The following SPIB variants were observed in gnomAD, a reference collection of about 807,000 sequenced individuals.
The protein encoded by SPIB is Spi-B transcription factor, also known as transcription factor Spi-B.
SPIB carries 7 observed loss-of-function variants against 31.9 expected under a neutral mutation model. The observed-to-expected ratio is 0.22, with a 90% CI of 0.12 to 0.41. The LOEUF is 0.41. Among genes scored for constraint, SPIB ranks in the 10% least tolerant of loss-of-function variants. SPIB has a pLI of 1.00. For missense variants in SPIB, 327 were observed against 360.2 expected (o/e 0.91, Z 0.75); for synonymous variants, 176 against 158.9 (o/e 1.11, Z -0.81).
At chr19:50,426,081 C>A (rs147205541) in intron 5 of SPIB, among the ~76,000 whole-genome samples, 1 of 151,976 alleles carries the variant, frequency 6.6e-6, no homozygotes, top group Non-Finnish European at 1.5e-5. Context: ...TGGTGGTGCA[C>A]GCCTGTAATC....
rs534335466 is a variant in SPIB, at chr19:50,421,937, A to G, written c.52-536A>G. Among the ~76,000 whole-genome samples, 14 of 152,120 alleles carry G rather than the reference A, an allele frequency of 9.2e-5. No individual in the cohort carries two copies. In the East Asian group the frequency reaches 2.5e-3, roughly 27 times the overall value. On this transcript the variant is annotated intron_variant, in intron 2 of 5. Coordinates refer to ENST00000595883, the MANE Select transcript of SPIB (RefSeq NM_003121.5). Reference sequence around the variant, plus strand: ...GCTAATTTTTGTATTTTTAGTAGAGACGGGATTTCACCATGTTGGCTAGAC... The same window carrying G: ...GCTAATTTTTGTATTTTTAGTAGAGGCGGGATTTCACCATGTTGGCTAGAC...
At chr19:50,423,203 T>TAAA in intron 4 of SPIB, 166 bp downstream of exon 4, 3 of 226,232 alleles carry the variant, frequency 1.3e-5, no homozygotes, top group Non-Finnish European at 1.6e-5. Flanking sequence ...AGACCCTGTC[T>TAAA]CAAAAAAAAA....
intron 5 of SPIB, among the ~76,000 whole-genome samples, chr19:50,424,164 A>G (rs2039537403): frequency 6.6e-6 from 1 of 152,058 alleles, no homozygotes; most frequent in Non-Finnish European, 1.5e-5. Context: ...AACATCCTTT[A>G]TGCTCAACCC....
intron 5 of SPIB, among the ~76,000 whole-genome samples, chr19:50,425,466 G>A (rs1426166684): frequency 6.6e-6 from 1 of 151,212 alleles, no homozygotes; most frequent in Non-Finnish European, 1.5e-5. Context: ...TATTTGAGAC[G>A]GTCTCCATCT....
rs780846613 is a variant in SPIB at position 50,419,953 on chromosome 19, G to A, written c.31G>A (p.Gly11Arg). 3.5e-5 allele frequency: 53 copies of A among 1,520,702 alleles called. No homozygotes were observed. Among genetic ancestry groups the A allele is most frequent in the South Asian group, 2.2e-4 (17 of 77,136 alleles). 94.2% of individuals were successfully genotyped at this position (1,520,702 alleles called of 1,614,324 possible). The change falls in exon 2 of 6, where the codon GGG becomes AGG. Residue 11 changes from glycine (G) to arginine (R), a missense_variant. Around this residue, in one of 4 missense-constraint regions of SPIB, gnomAD observed 238 missense variants for 228.8 expected, o/e 1.04. Coordinates refer to ENST00000595883, the MANE Select transcript of SPIB (RefSeq NM_003121.5). MLALEAAQLDGPHFSCLYPDG... is the reference protein window; with the variant it reads MLALEAAQLDRPHFSCLYPDG... ...GTGTCTCTCCCCCTCCAGGCTCGAC[G>A]GGCCACACTTCAGCTGTCTGGTGAG...
At chr19:50,422,436 TG>T in intron 2 of SPIB, 36 bp from the exon 3 acceptor site, 2 of 1,604,974 alleles carry the variant, frequency 1.2e-6, no homozygotes, top group Non-Finnish European at 1.7e-6. Context: ...CCCCAAGGCC[TG>T]GGATGACCCC....
rs1028042286 is a variant in SPIB at position 50,429,713 on chromosome 19, C to T, written c.*1377C>T. The T allele has an allele frequency of 3.4e-5, 5 of 147,488 alleles. No individual in the cohort carries two copies. The highest frequency in any genetic ancestry group is 6.0e-5 in the Non-Finnish European group (4 of 66,768). The allele number at this position is 147,488 out of a possible 1,614,324, so 9.1% of individuals were successfully genotyped here. A position where few individuals can be genotyped will look rare whatever the true frequency, so the allele number is the denominator to read the frequency against. On this transcript the variant is annotated 3_prime_UTR_variant, in exon 6 of 6. Transcript: ENST00000595883. ...ACAGAGTGAGACACCGTCTTAAAAA[C>T]AAAAACAAGGCCGGGCACGGTGGCT...
chr19:50,426,185 G>A (rs1027095537), intron 5 of SPIB, among the ~76,000 whole-genome samples: 7 of 152,002 alleles, frequency 4.6e-5, no homozygotes, highest in Non-Finnish European at 1.0e-4. Context: ...CTCCAGCCTG[G>A]GCAACAGAGC....
At chr19:50,426,321 G>A (rs1169353814) in intron 5 of SPIB, among the ~76,000 whole-genome samples, 1 of 152,106 alleles carries the variant, frequency 6.6e-6, no homozygotes, top group Non-Finnish European at 1.5e-5. Context: ...AGTCCATGCA[G>A]GGCCGTCAAG....
In SPIB at chr19:50,419,940, C is replaced by A. The variant is rs536784207; in HGVS notation, c.24-6C>A. 6.5e-7 allele frequency: 1 copy of A among 1,536,840 alleles called. No individual in the cohort carries two copies. On this transcript the variant is annotated splice_polypyrimidine_tract_variant and splice_region_variant and intron_variant, in intron 1 of 5. Transcript: ENST00000595883. ...TCAGCATGCCCCTGTGTCTCTCCCC[C>A]TCCAGGCTCGACGGGCCACACTTCA... is the stretch of plus-strand genomic sequence containing the variant.
At chr19:50,424,705 C>G (rs1391547282) in intron 5 of SPIB, among the ~76,000 whole-genome samples, 1 of 152,008 alleles carries the variant, frequency 6.6e-6, no homozygotes, top group Non-Finnish European at 1.5e-5. Context: ...CGCTTGAACC[C>G]AGGAGGCAGA....
chr19:50,427,959 AAGTCTCGG>A lies in SPIB; in HGVS notation c.491-76_491-69del, dbSNP rs2039589425. The A allele has an allele frequency of 6.5e-6, 9 of 1,378,392 alleles. No individual in the cohort carries two copies. In the South Asian group the frequency reaches 1.4e-4, roughly 21 times the overall value. The allele number at this position is 1,378,392 out of a possible 1,614,324, so 85.4% of individuals were successfully genotyped here. A position where few individuals can be genotyped will look rare whatever the true frequency, so the allele number is the denominator to read the frequency against. On this transcript the variant is annotated intron_variant, in intron 5 of 5. Coordinates refer to ENST00000595883, the MANE Select transcript of SPIB (RefSeq NM_003121.5). The stretch of plus-strand genomic sequence containing the variant: ...ATCCAGGAGATGGAGGCCGGGGTGG[AAGTCTCGG>A]AGGAGGGTGGATGGGGAAGGCGGGG...
At chr19:50,421,542 C>T (rs1195897108) in intron 2 of SPIB, among the ~76,000 whole-genome samples, 4 of 151,314 alleles carry the variant, frequency 2.6e-5, no homozygotes, top group Admixed American at 6.6e-5. Context: ...AGGCTGGTAT[C>T]GATCTCCTGA....
chr19:50,420,025 T>A (rs1232287092), intron 2 of SPIB, 52 bp downstream of exon 2: 1 of 1,374,384 alleles, frequency 7.3e-7, no homozygotes, highest in East Asian at 2.8e-5. Flanking sequence ...GTGACCTCCC[T>A]CAGAGAAGTC....
chr19:50,421,318 GATTTATTT>G, intron 2 of SPIB, among the ~76,000 whole-genome samples: 1 of 152,094 alleles, frequency 6.6e-6, no homozygotes, highest in African/African-American at 2.4e-5. Flanking sequence ...AACATATGGA[GATTTATTT>G]ATTTATTTAT....
chr19:50,422,161 T>C (rs1170965189), intron 2 of SPIB, among the ~76,000 whole-genome samples: 1 of 152,194 alleles, frequency 6.6e-6, no homozygotes, highest in African/African-American at 2.4e-5. Context: ...GGGGAGTTCT[T>C]CCACCCCTTC....
In SPIB at chr19:50,418,955, GCAC is replaced by G. The variant is rs1213772373; in HGVS notation, c.-2_1del. On this transcript the variant is annotated 5_prime_UTR_variant, in exon 1 of 6. Transcript: ENST00000595883. The surrounding 1 kb of genome is among the most constrained non-coding windows in gnomAD (Gnocchi z 6.0). Reference sequence around the variant, plus strand: ...CAGCGGGCGGCAAACAGCCCGCCCGGCACCACCATGCTCGCCCTGGAGGCTGCA... The same window carrying G: ...CAGCGGGCGGCAAACAGCCCGCCCGGCACCATGCTCGCCCTGGAGGCTGCA... 1.9e-6 allele frequency: 3 copies of G among 1,553,650 alleles called. No homozygotes were observed. The South Asian group carries it at 3.6e-5, about 18-fold the overall frequency.
chr19:50,427,336 C>G (rs558916643), intron 5 of SPIB, among the ~76,000 whole-genome samples: 1 of 152,172 alleles, frequency 6.6e-6, no homozygotes, highest in Admixed American at 6.5e-5. Context: ...ACCAGCCTGG[C>G]CAACATGGCG....
At chr19:50,423,804 G>T (rs1343021497) in intron 5 of SPIB, 49 bp downstream of exon 5, 1 of 1,559,546 alleles carries the variant, frequency 6.4e-7, no homozygotes, top group South Asian at 1.2e-5. Flanking sequence ...GAGATGGTGG[G>T]GGGGCTGAGA....
Sources: gnomAD v4.1 joint callset for allele counts (sites outside exome capture counted in the v4.1 genomes callset) on GRCh38, gnomAD v4.1.1 for gene constraint, gnomAD v4.1.1 regional missense constraint, Gnocchi (gnomAD v3.1) non-coding constraint, MANE v1.5 for transcripts, NCBI Gene and HGNC (gene_info 2026-07-23, HGNC 2026-07-21) for gene names.